Variants in PTBP2 observed in about 807,000 individuals in gnomAD.
PTBP2 encodes polypyrimidine tract binding protein 2.
Under a neutral mutation model 61.4 loss-of-function variants are expected in PTBP2, and 13 were observed. The ratio of observed to expected loss-of-function variants is 0.21; its 90% CI spans 0.14 to 0.34. The LOEUF is 0.34. Among genes scored for constraint, PTBP2 ranks in the 10% least tolerant of loss-of-function variants. The probability of loss-of-function intolerance (pLI) is 1.00; values close to 1 mark genes in which losing one functional copy is unlikely to be tolerated. For missense variants in PTBP2, 405 were observed against 642.6 expected, an observed-to-expected ratio of 0.63 and a Z score of 4.00; for synonymous variants, 215 against 218.5, an observed-to-expected ratio of 0.98 and a Z score of 0.14.
chr1:96,747,120 C>A (rs74843329), intron 2 of PTBP2, among the ~76,000 whole-genome samples: 1,904 of 151,132 alleles, frequency 0.013, 45 homozygotes, highest in African/African-American at 0.045. Flanking sequence ...CATATTGTTG[C>A]GGATTAATAC....
rs748322653 is a variant in PTBP2, at chr1:96,813,393, G to A, written c.1584G>A (p.Lys528=). The A allele has an allele frequency of 3.8e-6, 6 of 1,589,060 alleles. No homozygotes were observed. In the Middle Eastern group the frequency reaches 6.7e-4, roughly 179 times the overall value. Residue 528 remains lysine, a synonymous_variant, in exon 14 of 14, where the codon AAG becomes AAA. Transcript: ENST00000674951. ...ATCATCTGAGAGTGTCTTTCTCCAA[G>A]TCAACAATTTAAAAATGGGAAGATG... The part of the protein sequence containing the change: ...ENHHLRVSFS[K]STI
chr1:96,797,546 G>A (rs1486620232), intron 8 of PTBP2, among the ~76,000 whole-genome samples: 1 of 152,072 alleles, frequency 6.6e-6, no homozygotes, highest in East Asian at 1.9e-4. Flanking sequence ...GTGCCTTCCA[G>A]ACCCCTTGGT....
At chr1:96,770,390 C>T (rs1465873659) in intron 4 of PTBP2, among the ~76,000 whole-genome samples, 1 of 151,892 alleles carries the variant, frequency 6.6e-6, no homozygotes, top group Non-Finnish European at 1.5e-5. Flanking sequence ...CTTACATTCT[C>T]TAGGGTAGAA....
chr1:96,820,229 C>T (rs1366693543), exon 14 of PTBP2: 1 of 151,864 alleles, frequency 6.6e-6, no homozygotes, highest in Non-Finnish European at 1.5e-5. Flanking sequence ...TTTTGGCATT[C>T]TATTTATGGA....
chr1:96,737,161 A>G (rs532929627), intron 2 of PTBP2, among the ~76,000 whole-genome samples: 2 of 151,826 alleles, frequency 1.3e-5, no homozygotes, highest in South Asian at 4.2e-4. Flanking sequence ...TTGTATTTTT[A>G]GTAGAGATGG....
chr1:96,806,811 C>T (rs562872944), intron 10 of PTBP2, 55 bp from the exon 11 acceptor site: 3 of 1,314,864 alleles, frequency 2.3e-6, no homozygotes, highest in East Asian at 4.6e-5. Context: ...CTTTAGGTGA[C>T]TTCCACATAA....
intron 11 of PTBP2, among the ~76,000 whole-genome samples, chr1:96,808,662 G>GCT (rs1356350162): frequency 6.6e-6 from 1 of 152,128 alleles, no homozygotes; most frequent in African/African-American, 2.4e-5. Flanking sequence ...GTTTTGACTT[G>GCT]CTAGTAGGGC....
chr1:96,752,049 A>T (rs1251489143), intron 3 of PTBP2, among the ~76,000 whole-genome samples: 2 of 151,830 alleles, frequency 1.3e-5, no homozygotes, highest in African/African-American at 4.8e-5. Flanking sequence ...AGTTAGAGTT[A>T]AAAAAAATTG....
chr1:96,787,515 C>CT (rs368588997), intron 8 of PTBP2, among the ~76,000 whole-genome samples: 8 of 151,456 alleles, frequency 5.3e-5, no homozygotes, highest in East Asian at 1.9e-4. Context: ...TAAGTGACTT[C>CT]TTTTTTTTAT....
At chr1:96,778,036 T>C in intron 7 of PTBP2, 90 bp downstream of exon 7, 1 of 525,204 alleles carries the variant, frequency 1.9e-6, no homozygotes, top group Non-Finnish European at 3.1e-6. Context: ...TAATGATATC[T>C]TGTAGCATTA....
intron 8 of PTBP2, among the ~76,000 whole-genome samples, chr1:96,793,849 G>A (rs1193101214): frequency 1.3e-5 from 2 of 152,108 alleles, no homozygotes; most frequent in African/African-American, 4.8e-5. Flanking sequence ...ATGTTTGATG[G>A]TAGTTGGGAA....
intron 8 of PTBP2, among the ~76,000 whole-genome samples, chr1:96,802,192 C>G (rs138270140): frequency 7.7e-4 from 95 of 122,884 alleles, no homozygotes; most frequent in African/African-American, 2.8e-3. Context: ...ACCTGAGAGA[C>G]ACAGCGAGAC....
intron 2 of PTBP2, among the ~76,000 whole-genome samples, chr1:96,741,176 A>C (rs576469080): frequency 3.9e-5 from 6 of 152,116 alleles, no homozygotes; most frequent in East Asian, 3.9e-4. Context: ...AAAAAAAAAA[A>C]AACATTGATT....
chr1:96,791,826 C>CTTTTTTTTGTTTT lies in PTBP2; in HGVS notation c.904+6580_904+6581insGTTTTTTTTTTTT, dbSNP rs1482989030. On this transcript the variant is annotated intron_variant, in intron 8 of 13. Transcript: ENST00000674951. ...TCCACCTCTGTTGCTTGGAGTTGTG[C>CTTTTTTTTGTTTT]TTTTTTTTTTTTTTTTTTTTTTTGA... 2.1e-4 allele frequency among the ~76,000 whole-genome samples: 14 copies of CTTTTTTTTGTTTT among 66,122 alleles called. 1 individual carries two copies. Among genetic ancestry groups the CTTTTTTTTGTTTT allele is most frequent in the South Asian group, 1.1e-3 (2 of 1,750 alleles). 43.4% of individuals were successfully genotyped at this position (66,122 alleles called of 152,430 possible).
intron 7 of PTBP2, among the ~76,000 whole-genome samples, chr1:96,781,110 G>T (rs1051492775): frequency 9.9e-5 from 15 of 151,966 alleles, no homozygotes; most frequent in African/African-American, 3.6e-4. Flanking sequence ...GTCAATATTG[G>T]CATAAATTTT....
At chr1:96,739,628 T>G (rs796387712) in intron 2 of PTBP2, among the ~76,000 whole-genome samples, 3 of 142,274 alleles carry the variant, frequency 2.1e-5, no homozygotes, top group East Asian at 2.0e-4. Context: ...GTTTTTTTTT[T>G]TTTTTTTTTT....
chr1:96,780,182 G>A (rs572562861), intron 7 of PTBP2, among the ~76,000 whole-genome samples: 6 of 152,104 alleles, frequency 3.9e-5, no homozygotes, highest in East Asian at 3.9e-4. Context: ...AAAGCCTATC[G>A]TCTTCTGCCT....
chr1:96,751,136 TA>T (rs1654482242), intron 2 of PTBP2: 2 of 405,206 alleles, frequency 4.9e-6, no homozygotes. Context: ...GGTTTGTTTG[TA>T]AACAATTGAG....
intron 3 of PTBP2, among the ~76,000 whole-genome samples, chr1:96,754,145 TA>T (rs1654894402): frequency 6.6e-6 from 1 of 151,974 alleles, no homozygotes; most frequent in Admixed American, 6.6e-5. Context: ...AGAGCAAATC[TA>T]AACAGCTGCG....
Sources: gnomAD v4.1 joint callset for allele counts (sites outside exome capture counted in the v4.1 genomes callset) on GRCh38, gnomAD v4.1.1 for gene constraint, MANE v1.5 for transcripts, NCBI Gene and HGNC (gene_info 2026-07-23, HGNC 2026-07-21) for gene names.